The following CD109 variants were observed in gnomAD, a reference collection of about 807,000 sequenced individuals.
The protein encoded by CD109 is CD109 antigen.
CD109 carries 149 observed loss-of-function variants against 165.8 expected under a neutral mutation model. The ratio of observed to expected loss-of-function variants is 0.90; its 90% CI spans 0.79 to 1.03. CD109 has a LOEUF of 1.03. Ranked by LOEUF, CD109 falls within the 50% of genes least tolerant of loss-of-function variation. The probability of loss-of-function intolerance (pLI) is 0.00; values close to 1 mark genes in which losing one functional copy is unlikely to be tolerated. For synonymous variants in CD109, 585 were observed against 592.1 expected (o/e 0.99, Z 0.18); for missense variants, 1,712 against 1,677.8 (o/e 1.02, Z -0.36).
chr6:73,821,620 A>T (rs1408410877), intron 32 of CD109, among the ~76,000 whole-genome samples: 1 of 152,226 alleles, frequency 6.6e-6, no homozygotes, highest in Non-Finnish European at 1.5e-5. Context: ...TTAATGAAGA[A>T]ACAGAAAACC....
chr6:73,793,409 TAAC>T (rs1209781420), intron 23 of CD109, among the ~76,000 whole-genome samples: 3 of 152,224 alleles, frequency 2.0e-5, no homozygotes, highest in Non-Finnish European at 4.4e-5. Context: ...AACTTGTTAA[TAAC>T]AGCAGCTAAC....
At chr6:73,739,387 G>A (rs1379428971) in intron 5 of CD109, among the ~76,000 whole-genome samples, 1 of 152,102 alleles carries the variant, frequency 6.6e-6, no homozygotes, top group South Asian at 2.1e-4. Flanking sequence ...CAGCATTAAA[G>A]GACTGTATAT....
At chr6:73,766,628 T>G (rs1286548832) in intron 11 of CD109, 131 bp from the exon 12 acceptor site, 8 of 635,472 alleles carry the variant, frequency 1.3e-5, no homozygotes, top group Non-Finnish European at 2.2e-5. Flanking sequence ...CAATGTCTGG[T>G]GAATGTATTT....
intron 29 of CD109, among the ~76,000 whole-genome samples, chr6:73,812,608 C>T (rs998155377): frequency 1.3e-5 from 2 of 151,980 alleles, no homozygotes; most frequent in Non-Finnish European, 2.9e-5. Context: ...ATATAGAAGT[C>T]AACATGGTAG....
intron 15 of CD109, among the ~76,000 whole-genome samples, chr6:73,774,939 T>G (rs1002835743): frequency 6.7e-6 from 1 of 149,220 alleles, no homozygotes; most frequent in African/African-American, 2.5e-5. Flanking sequence ...CTGTTTTGGC[T>G]TCTTTTTTTT....
Position 73,827,364 on chromosome 6 carries a change from C to T in CD109, c.*3731C>T, listed in dbSNP as rs139637096. The T allele has an allele frequency of 4.0e-4, 60 of 151,136 alleles. No individual in the cohort carries two copies. Among genetic ancestry groups the T allele is most frequent in the African/African-American group, 1.4e-3 (57 of 41,230 alleles). 9.4% of individuals were successfully genotyped at this position (151,136 alleles called of 1,614,324 possible). A position where few individuals can be genotyped will look rare whatever the true frequency, so the allele number is the denominator to read the frequency against. On this transcript the variant is annotated 3_prime_UTR_variant, in exon 33 of 33. Coordinates refer to ENST00000287097, the MANE Select transcript of CD109 (RefSeq NM_133493.5). ...CCTTTTACGTTCTCGGTAGAGGCTT[C>T]TGTCGGACAGGCAGAAGAGTGTATT...
intron 2 of CD109, 36 bp from the exon 3 acceptor site, chr6:73,723,215 G>A: frequency 6.2e-7 from 1 of 1,612,136 alleles, no homozygotes; most frequent in Non-Finnish European, 8.5e-7. Flanking sequence ...TATTCAAATT[G>A]TGCTAACTCT....
intron 2 of CD109, among the ~76,000 whole-genome samples, chr6:73,705,573 T>C (rs373871238): frequency 6.6e-6 from 1 of 152,164 alleles, no homozygotes; most frequent in African/African-American, 2.4e-5. Context: ...GCTACAGTTA[T>C]AGTGCCGTTG....
intron 5 of CD109, among the ~76,000 whole-genome samples, chr6:73,737,278 C>T (rs1247173248): frequency 6.6e-6 from 1 of 152,150 alleles, no homozygotes; most frequent in African/African-American, 2.4e-5. Flanking sequence ...GAAATTGTAG[C>T]TTATTCTAAG....
At chr6:73,761,147 T>G (rs1773615181) in intron 7 of CD109, among the ~76,000 whole-genome samples, 1 of 152,154 alleles carries the variant, frequency 6.6e-6, no homozygotes, top group Non-Finnish European at 1.5e-5. Flanking sequence ...AAAATCAATT[T>G]TTGACAGCCA....
At chr6:73,708,179 T>C (rs942042363) in intron 2 of CD109, among the ~76,000 whole-genome samples, 2 of 151,868 alleles carry the variant, frequency 1.3e-5, no homozygotes, top group African/African-American at 4.8e-5. Flanking sequence ...CCCCGGTGTG[T>C]GATGTTCCCC....
At chr6:73,731,275 C>A (rs1007914149) in intron 4 of CD109, among the ~76,000 whole-genome samples, 4 of 152,180 alleles carry the variant, frequency 2.6e-5, no homozygotes, top group South Asian at 2.1e-4. Context: ...CGTGATCCAC[C>A]CACCTCAGCC....
At chr6:73,701,353 G>A (rs1157305518) in intron 2 of CD109, among the ~76,000 whole-genome samples, 2 of 152,032 alleles carry the variant, frequency 1.3e-5, no homozygotes, top group Non-Finnish European at 2.9e-5. Flanking sequence ...AAACATAACT[G>A]GCAAAACGTA....
intron 29 of CD109, among the ~76,000 whole-genome samples, chr6:73,814,633 A>T (rs1273520605): frequency 6.6e-6 from 1 of 152,178 alleles, no homozygotes; most frequent in Non-Finnish European, 1.5e-5. Context: ...CATTTGGGCA[A>T]CAGGCCTTAG....
chr6:73,780,727 T>C (rs1774451238), intron 16 of CD109, among the ~76,000 whole-genome samples: 1 of 124,512 alleles, frequency 8.0e-6, no homozygotes, highest in Non-Finnish European at 1.7e-5. Context: ...AAACAAATAA[T>C]TTTTCCTTTA....
At chr6:73,705,524 C>T (rs1771234349) in intron 2 of CD109, among the ~76,000 whole-genome samples, 1 of 151,970 alleles carries the variant, frequency 6.6e-6, no homozygotes, top group Non-Finnish European at 1.5e-5. Flanking sequence ...TGCTTGTAGT[C>T]CCAGCTACTC....
In CD109 at chr6:73,763,569, A is replaced by G. The variant is rs368404208; in HGVS notation, c.998-7A>G. 5.3e-6 allele frequency: 8 copies of G among 1,495,814 alleles called. No individual in the cohort carries two copies. Among genetic ancestry groups the G allele is most frequent in the African/African-American group, 2.8e-5 (2 of 72,034 alleles). The allele number at this position is 1,495,814 out of a possible 1,614,324, so 92.7% of individuals were successfully genotyped here. A position where few individuals can be genotyped will look rare whatever the true frequency, so the allele number is the denominator to read the frequency against. ...TTGCTTTCTAAATTGTGCAATTTCCAAAAAAGGTATTTCAAGAAATGTAAG... is the reference window on the plus strand; with the variant it reads ...TTGCTTTCTAAATTGTGCAATTTCCGAAAAAGGTATTTCAAGAAATGTAAG... On this transcript the variant is annotated splice_region_variant and splice_polypyrimidine_tract_variant and intron_variant, in intron 9 of 32. Transcript: ENST00000287097.
At chr6:73,781,221 C>T (rs200370543) in intron 16 of CD109, 38 bp from the exon 17 acceptor site, 1 of 1,542,674 alleles carries the variant, frequency 6.5e-7, no homozygotes, top group African/African-American at 1.4e-5. Context: ...AGCATTTAAA[C>T]TTGTGTTTTA....
chr6:73,747,600 G>A (rs1389461774), intron 5 of CD109, among the ~76,000 whole-genome samples: 1 of 152,108 alleles, frequency 6.6e-6, no homozygotes, highest in Non-Finnish European at 1.5e-5. Context: ...ATACCTCTGA[G>A]TTCTAGACCT....
Sources: gnomAD v4.1 joint callset for allele counts (sites outside exome capture counted in the v4.1 genomes callset) on GRCh38, gnomAD v4.1.1 for gene constraint, MANE v1.5 for transcripts, NCBI Gene and HGNC (gene_info 2026-07-23, HGNC 2026-07-21) for gene names.